The following TMEM39A variants were observed in gnomAD, a reference collection of about 807,000 sequenced individuals.
The protein encoded by TMEM39A is transmembrane protein 39A.
TMEM39A carries 19 observed loss-of-function variants against 51.9 expected under a neutral mutation model. The ratio of observed to expected loss-of-function variants is 0.37; its 90% confidence interval spans 0.26 to 0.54. The LOEUF (loss-of-function observed/expected upper bound fraction) is 0.54. Ranked by LOEUF, TMEM39A falls within the 20% of genes least tolerant of loss-of-function variation. The probability of loss-of-function intolerance (pLI) is 0.88; values close to 1 mark genes in which losing one functional copy is unlikely to be tolerated. For synonymous variants in TMEM39A, 197 were observed against 220.2 expected, an observed-to-expected ratio of 0.89 and a Z score of 0.93; for missense variants, 433 against 590.5, an observed-to-expected ratio of 0.73 and a Z score of 2.76.
rs1243669014 is a variant in TMEM39A, at chr3:119,431,905, T to A, written c.*76A>T. 6 of 996,258 alleles carry A rather than the reference T, an allele frequency of 6.0e-6. No homozygotes were observed. Among genetic ancestry groups the A allele is most frequent in the Non-Finnish European group, 8.6e-6 (6 of 700,570 alleles). 61.7% of individuals were successfully genotyped at this position (996,258 alleles called of 1,614,324 possible). On this transcript the variant is annotated 3_prime_UTR_variant, in exon 9 of 9. Coordinates refer to ENST00000319172, the MANE Select transcript of TMEM39A (RefSeq NM_018266.3). ...CAAAATATAAAATATCTTAAATATT[T>A]ATAAAAATCACAAGAAAAAAATAGA...
At chr3:119,443,974 C>G (rs977575855) in intron 5 of TMEM39A, among the ~76,000 whole-genome samples, 2 of 152,116 alleles carry the variant, frequency 1.3e-5, no homozygotes, top group African/African-American at 4.8e-5. Flanking sequence ...TTCATATGCA[C>G]TAGGAAATCA....
intron 5 of TMEM39A, among the ~76,000 whole-genome samples, chr3:119,440,108 T>A (rs958218752): frequency 1.3e-5 from 2 of 152,066 alleles, no homozygotes; most frequent in African/African-American, 4.8e-5. Context: ...CATGTGCATA[T>A]CTGTGATGGC....
intron 2 of TMEM39A, among the ~76,000 whole-genome samples, chr3:119,458,661 G>A (rs1024508959): frequency 1.4e-4 from 21 of 152,108 alleles, no homozygotes; most frequent in African/African-American, 4.6e-4. Context: ...TTGGGAGGCC[G>A]AGGCGGGCGG....
At chr3:119,443,863 C>A (rs770110067) in intron 5 of TMEM39A, among the ~76,000 whole-genome samples, 1 of 151,878 alleles carries the variant, frequency 6.6e-6, no homozygotes, top group Non-Finnish European at 1.5e-5. Flanking sequence ...TGTGATTGCA[C>A]CACTGCACTC....
intron 3 of TMEM39A, 72 bp from the exon 4 acceptor site, chr3:119,452,602 G>C: frequency 1.6e-6 from 2 of 1,213,328 alleles, no homozygotes; most frequent in East Asian, 2.5e-5. Flanking sequence ...TACAAGAATA[G>C]AGGTTTATCC....
intron 5 of TMEM39A, among the ~76,000 whole-genome samples, chr3:119,442,342 CAA>C (rs34133941): frequency 2.5e-4 from 25 of 101,576 alleles, no homozygotes; most frequent in South Asian, 5.8e-4. Flanking sequence ...GACTCCATCT[CAA>C]AAAAAAAAAA....
chr3:119,442,157 A>G (rs1457228368), intron 5 of TMEM39A, among the ~76,000 whole-genome samples: 1 of 152,118 alleles, frequency 6.6e-6, no homozygotes, highest in African/African-American at 2.4e-5. Flanking sequence ...CATGGCCAAC[A>G]TAGCGAAACC....
chr3:119,430,621 T>C lies in TMEM39A; in HGVS notation c.*1360A>G, dbSNP rs1463576503. On this transcript the variant is annotated 3_prime_UTR_variant, in exon 9 of 9. Transcript: ENST00000319172. ...AAATAATGTTAACTTAAAAAAAAAG[T>C]ATACACATCAAAATATTTAAAGAAA... 1 of 151,960 alleles carries C rather than the reference T, an allele frequency of 6.6e-6. No homozygotes were observed. Among genetic ancestry groups the C allele is most frequent in the Non-Finnish European group, 1.5e-5 (1 of 67,948 alleles). 9.4% of individuals were successfully genotyped at this position (151,960 alleles called of 1,614,324 possible).
rs184920313 is a variant in TMEM39A, at chr3:119,430,542, C to A, written c.*1439G>T. Reference sequence around the variant, plus strand: ...TATATCCCCAGGGCCTAATATAGTGCCTACTGGTTAATATATATTTGTTGA... The same window carrying A: ...TATATCCCCAGGGCCTAATATAGTGACTACTGGTTAATATATATTTGTTGA... On this transcript the variant is annotated 3_prime_UTR_variant, in exon 9 of 9. Coordinates refer to ENST00000319172, the MANE Select transcript of TMEM39A (RefSeq NM_018266.3). The A allele has an allele frequency of 6.6e-6, 1 of 151,958 alleles. No homozygotes were observed. The highest frequency in any genetic ancestry group is 1.5e-5 in the Non-Finnish European group (1 of 67,966). The allele number at this position is 151,958 out of a possible 1,614,324, so 9.4% of individuals were successfully genotyped here.
intron 2 of TMEM39A, among the ~76,000 whole-genome samples, chr3:119,459,718 G>C (rs2107692158): frequency 6.6e-6 from 1 of 152,230 alleles, no homozygotes; most frequent in East Asian, 1.9e-4. Flanking sequence ...TGACATTCTA[G>C]AGTTTAACTT....
Position 119,429,333 on chromosome 3 carries a change from G to C in TMEM39A, c.*2648C>G, listed in dbSNP as rs1412650020. On this transcript the variant is annotated 3_prime_UTR_variant, in exon 9 of 9. Coordinates refer to ENST00000319172, the MANE Select transcript of TMEM39A (RefSeq NM_018266.3). ...AAACAGGATATTGAGGAAAACTTCT[G>C]TCATGCTCATTCCTGTGAACTACCC... Among the ~76,000 whole-genome samples the C allele has an allele frequency of 6.6e-6, 1 of 151,964 alleles. No homozygotes were observed. The highest frequency in any genetic ancestry group is 6.6e-5 in the Admixed American group (1 of 15,256).
intron 5 of TMEM39A, among the ~76,000 whole-genome samples, chr3:119,444,306 C>T (rs568019684): frequency 1.4e-4 from 21 of 152,116 alleles, no homozygotes; most frequent in Admixed American, 1.2e-3. Flanking sequence ...AGGAGAATGA[C>T]TAAAAATTTA....
Position 119,437,744 on chromosome 3 carries a change from T to C in TMEM39A, c.924+11A>G. The C allele has an allele frequency of 1.3e-6, 2 of 1,512,674 alleles. No individual in the cohort carries two copies. The highest frequency in any genetic ancestry group is 1.8e-6 in the Non-Finnish European group (2 of 1,124,722). 93.7% of individuals were successfully genotyped at this position (1,512,674 alleles called of 1,614,324 possible). ...ATCCAGGAAGCACATAAAAGTAAGATAACCACTTACCTTCACAAAACACAG... is the reference window on the plus strand; with the variant it reads ...ATCCAGGAAGCACATAAAAGTAAGACAACCACTTACCTTCACAAAACACAG... On this transcript the variant is annotated intron_variant, in intron 6 of 8. Coordinates refer to ENST00000319172, the MANE Select transcript of TMEM39A (RefSeq NM_018266.3).
At position 119,458,024 on chromosome 3, in the gene TMEM39A, T is replaced by C; in HGVS notation, c.330A>G (p.Thr110=). The change falls in exon 3 of 9, where the codon ACA becomes ACG. Residue 110 remains threonine (T), a synonymous_variant. Transcript: ENST00000319172. The stretch of plus-strand genomic sequence containing the variant: ...AAGTCTGAGTAAGACTTACCAGTGA[T>C]GTACAAGAAGCAGGATGATTGTAAG... ...WYPYNHPASC[T]SLNFHLIDYH... The C allele has an allele frequency of 2.5e-6, 4 of 1,612,658 alleles. No individual in the cohort carries two copies. The highest frequency in any genetic ancestry group is 1.3e-5 in the African/African-American group (1 of 75,016).
intron 3 of TMEM39A, among the ~76,000 whole-genome samples, chr3:119,454,723 A>C (rs2081242960): frequency 6.6e-6 from 1 of 152,168 alleles, no homozygotes; most frequent in African/African-American, 2.4e-5. Context: ...AGGGAGTCGG[A>C]GGTTGCAGTG....
chr3:119,438,180 A>G (rs969095783), intron 5 of TMEM39A, 77 bp from the exon 6 acceptor site: 40 of 1,156,472 alleles, frequency 3.5e-5, no homozygotes, highest in Non-Finnish European at 4.3e-5. Flanking sequence ...AATATAACTT[A>G]TAACTTAGGT....
At chr3:119,436,282 C>T (rs2080966861) in intron 7 of TMEM39A, among the ~76,000 whole-genome samples, 1 of 151,984 alleles carries the variant, frequency 6.6e-6, no homozygotes, top group Non-Finnish European at 1.5e-5. Context: ...GGGAAATATT[C>T]AGTAGAGAGT....
intron 2 of TMEM39A, among the ~76,000 whole-genome samples, chr3:119,460,812 TA>T (rs147817552): frequency 0.05 from 7,550 of 152,290 alleles, 241 homozygotes; most frequent in Non-Finnish European, 0.073. Context: ...AATTTGAAAG[TA>T]CTGAATCAAT....
intron 6 of TMEM39A, 135 bp from the exon 7 acceptor site, chr3:119,437,113 G>T: frequency 1.3e-6 from 1 of 744,418 alleles, no homozygotes; most frequent in Non-Finnish European, 2.1e-6. Flanking sequence ...TGTCCGTGCA[G>T]AAAAGTTCAA....
Sources: gnomAD v4.1 joint callset for allele counts (sites outside exome capture counted in the v4.1 genomes callset) on GRCh38, gnomAD v4.1.1 for gene constraint, MANE v1.5 for transcripts, NCBI Gene and HGNC (gene_info 2026-07-23, HGNC 2026-07-21) for gene names.